TG: variants seen among roughly 807,000 people sequenced by gnomAD.
TG encodes the protein thyroid hormones.
In TG, 270 loss-of-function variants were observed where a neutral mutation model predicts 324.7. The observed-to-expected ratio is 0.83, with a 90% confidence interval of 0.75 to 0.92. The LOEUF (loss-of-function observed/expected upper bound fraction) is 0.92, where lower values mean the gene tolerates loss of function less well. Among genes scored for constraint, TG ranks in the 40% least tolerant of loss-of-function variants. The pLI, the probability that TG is intolerant of heterozygous loss-of-function variation, is 0.00. For missense variants in TG, 3,591 were observed against 3,456.4 expected (o/e 1.04, Z -0.98); for synonymous variants, 1,401 against 1,327.0 (o/e 1.06, Z -1.21).
At chr8:132,906,927 G>A (rs1488608364) in intron 17 of TG, 27 bp downstream of exon 17, 1 of 1,588,916 alleles carries the variant, frequency 6.3e-7, no homozygotes, top group Non-Finnish European at 8.6e-7. Context: ...CATCTATCCT[G>A]CACCCCGCTC....
At position 132,967,110 on chromosome 8, in the gene TG, GATCCATCC is replaced by G. The variant is rs58544413; in HGVS notation, c.5686+451_5686+458del. On this transcript the variant is annotated intron_variant, in intron 30 of 47. Coordinates refer to ENST00000220616, the MANE Select transcript of TG (RefSeq NM_003235.5). ...TTGCATCCCATCCATCCATCCATTC[GATCCATCC>G]ATCCATCCATCCATCCATCCATCCA... Among the ~76,000 whole-genome samples, 274 of 129,290 alleles carry G rather than the reference GATCCATCC, an allele frequency of 2.1e-3. 1 individual carries two copies. The highest frequency in any genetic ancestry group is 4.5e-3 in the African/African-American group (149 of 33,358). The allele number at this position is 129,290 out of a possible 152,430, so 84.8% of individuals were successfully genotyped here. A position where few individuals can be genotyped will look rare whatever the true frequency, so the allele number is the denominator to read the frequency against.
chr8:133,098,842 A>G (rs1848829171), intron 43 of TG, among the ~76,000 whole-genome samples: 1 of 152,130 alleles, frequency 6.6e-6, no homozygotes, highest in Non-Finnish European at 1.5e-5. Flanking sequence ...ATGCCCGTTC[A>G]TTGTGAGAGG....
At chr8:133,017,348 ATC>A (rs1420068435) in intron 37 of TG, among the ~76,000 whole-genome samples, 8 of 149,002 alleles carry the variant, frequency 5.4e-5, no homozygotes, top group Middle Eastern at 3.5e-3. Flanking sequence ...TTCTTTACTC[ATC>A]TCTCTCAGGA....
chr8:133,024,382 CTTTCTTTCTT>C (rs746133487), intron 40 of TG, among the ~76,000 whole-genome samples: 3,162 of 51,244 alleles, frequency 0.062, 10 homozygotes, highest in Middle Eastern at 0.093. Flanking sequence ...TTCTTTCTTT[CTTTCTTTCTT>C]TTTCTTTTTT....
chr8:132,941,944 A>G (rs961974864), intron 26 of TG, among the ~76,000 whole-genome samples: 2 of 152,216 alleles, frequency 1.3e-5, no homozygotes, highest in African/African-American at 2.4e-5. Flanking sequence ...CCAGGACTGG[A>G]CATATTTGGT....
At chr8:132,926,191 A>G (rs955228655) in intron 22 of TG, among the ~76,000 whole-genome samples, 1 of 152,078 alleles carries the variant, frequency 6.6e-6, no homozygotes, top group South Asian at 2.1e-4. Flanking sequence ...AGGGACTTAT[A>G]CCTCCCCAGA....
chr8:132,917,043 C>T (rs71512331), intron 20 of TG, among the ~76,000 whole-genome samples: 13,426 of 48,324 alleles, frequency 0.28, 2,277 homozygotes, highest in African/African-American at 0.36. Flanking sequence ...CCCTCCCTCC[C>T]TCCTTCCTTC....
At chr8:132,958,687 G>GCCTGT (rs3076109) in intron 27 of TG, among the ~76,000 whole-genome samples, 2 of 5,298 alleles carry the variant, frequency 3.8e-4, no homozygotes, top group Non-Finnish European at 3.1e-4. Context: ...TGCTGCACCA[G>GCCTGT]GCAACAGAGC....
intron 32 of TG, among the ~76,000 whole-genome samples, chr8:132,970,737 G>A (rs1829388714): frequency 6.6e-6 from 1 of 152,188 alleles, no homozygotes; most frequent in African/African-American, 2.4e-5. Context: ...GGGAACTAGG[G>A]GAGTAGATTG....
At chr8:132,875,419 T>A (rs141602034) in intron 5 of TG, among the ~76,000 whole-genome samples, 32 of 152,330 alleles carry the variant, frequency 2.1e-4, no homozygotes, top group African/African-American at 7.7e-4. Context: ...ACTATACAAA[T>A]GATTACTGAA....
At chr8:132,933,722 G>A (rs1186795266) in intron 24 of TG, 46 bp downstream of exon 24, 1 of 1,565,032 alleles carries the variant, frequency 6.4e-7, no homozygotes, top group Non-Finnish European at 8.8e-7. Flanking sequence ...ATCCGCTGTG[G>A]ATCAGATGTG....
intron 34 of TG, among the ~76,000 whole-genome samples, chr8:132,976,963 A>T (rs891866468): frequency 1.3e-5 from 2 of 152,214 alleles, no homozygotes; most frequent in Admixed American, 1.3e-4. Flanking sequence ...CTGGTTTAAT[A>T]AATTACAGTA....
intron 27 of TG, among the ~76,000 whole-genome samples, chr8:132,950,634 A>G (rs549026889): frequency 6.6e-6 from 1 of 152,212 alleles, no homozygotes; most frequent in South Asian, 2.1e-4. Context: ...GCAATTGCGC[A>G]TTTGCCTGTC....
intron 35 of TG, among the ~76,000 whole-genome samples, chr8:133,010,798 T>C (rs1834437381): frequency 6.6e-6 from 1 of 152,156 alleles, no homozygotes; most frequent in Admixed American, 6.5e-5. Context: ...GCCCAAGCCA[T>C]CTCTGTGGCT....
In TG at chr8:133,021,323, G is replaced by A. The variant is rs141470672; in HGVS notation, c.6877-668G>A. On this transcript the variant is annotated intron_variant, in intron 39 of 47. Coordinates refer to ENST00000220616, the MANE Select transcript of TG (RefSeq NM_003235.5). ...GCATCCAAGGGAAAGGGGACGCCAA[G>A]GACCCAGAATGCTTTTTTGGAATAA... is the stretch of plus-strand genomic sequence containing the variant. 6.2e-4 allele frequency among the ~76,000 whole-genome samples: 95 copies of A among 152,314 alleles called. No homozygotes were observed. In the East Asian group the frequency reaches 0.018, roughly 29 times the overall value.
chr8:132,892,290 G>A (rs1280339255), intron 10 of TG, among the ~76,000 whole-genome samples: 2 of 152,210 alleles, frequency 1.3e-5, no homozygotes, highest in African/African-American at 4.8e-5. Context: ...GAGACAGCTA[G>A]TCAAGATCAC....
Position 132,966,603 on chromosome 8 carries a change from C to A in TG, c.5592C>A (p.Val1864=). 6.2e-7 allele frequency: 1 copy of A among 1,614,124 alleles called. No individual in the cohort carries two copies. The highest frequency in any genetic ancestry group is 1.1e-5 in the South Asian group (1 of 91,074). ...TCTCCCCTGTGGACCTCAACCAGGT[C>A]ATTGTCAATGGAAATCAATCACTAT... The part of the protein sequence containing the change: ...ELFSPVDLNQ[V]IVNGNQSLSS... Residue 1864 remains valine, a synonymous_variant, in exon 30 of 48, where the codon GTC becomes GTA. Coordinates refer to ENST00000220616, the MANE Select transcript of TG (RefSeq NM_003235.5).
intron 41 of TG, chr8:133,046,960 C>G (rs1839535732): frequency 2.0e-5 from 3 of 152,094 alleles, no homozygotes; most frequent in Non-Finnish European, 4.4e-5. Context: ...ATTGAATGTA[C>G]AAGAAGCAAG....
At chr8:132,878,009 C>T (rs2132093931) in intron 5 of TG, among the ~76,000 whole-genome samples, 1 of 152,148 alleles carries the variant, frequency 6.6e-6, no homozygotes, top group South Asian at 2.1e-4. Context: ...AGTAGAAAAT[C>T]AGAATAAGGC....
Sources: allele counts gnomAD v4.1 joint callset (sites outside exome capture counted in the v4.1 genomes callset), GRCh38; gene constraint gnomAD v4.1.1; transcripts MANE v1.5; gene names NCBI Gene and HGNC (gene_info 2026-07-23, HGNC 2026-07-21).